The following RAB8B variants were observed in gnomAD, a reference collection of about 807,000 sequenced individuals.
RAB8B encodes ras-related protein Rab-8B.
In RAB8B, 11 loss-of-function variants were observed where a neutral mutation model predicts 32.0. The observed-to-expected ratio is 0.34, with a 90% confidence interval of 0.22 to 0.57. RAB8B has a LOEUF of 0.57. RAB8B is among the 20% of genes least tolerant of loss of function. RAB8B has a pLI of 0.86. For missense variants in RAB8B, 190 were observed against 258.5 expected (o/e 0.73, Z 1.82); for synonymous variants, 103 against 89.6 (o/e 1.15, Z -0.85).
At chr15:63,257,598 T>C (rs557887385) in intron 5 of RAB8B, among the ~76,000 whole-genome samples, 2 of 152,256 alleles carry the variant, frequency 1.3e-5, no homozygotes, top group East Asian at 1.9e-4. Context: ...CTGTGAACTT[T>C]TGCTGCAAAC....
At chr15:63,220,383 C>T (rs565668191) in intron 1 of RAB8B, among the ~76,000 whole-genome samples, 5 of 151,634 alleles carry the variant, frequency 3.3e-5, no homozygotes, top group African/African-American at 7.3e-5. Context: ...TTCTTTAGGC[C>T]GGTGTTTTTA....
At chr15:63,190,389 G>A (rs1445908065) in intron 1 of RAB8B, among the ~76,000 whole-genome samples, 1 of 152,030 alleles carries the variant, frequency 6.6e-6, no homozygotes, top group Admixed American at 6.5e-5. Flanking sequence ...GGGATCAGAG[G>A]GCAGAATGAG....
chr15:63,252,589 A>AG (rs57848754), intron 3 of RAB8B, among the ~76,000 whole-genome samples: 58,197 of 152,092 alleles, frequency 0.38, 12,535 homozygotes, highest in Non-Finnish European at 0.5. Flanking sequence ...TGGTAGAGCT[A>AG]GGGCAGTTAT....
At chr15:63,195,149 A>T (rs1340801296) in intron 1 of RAB8B, among the ~76,000 whole-genome samples, 2 of 152,236 alleles carry the variant, frequency 1.3e-5, no homozygotes, top group Non-Finnish European at 2.9e-5. Flanking sequence ...GCAAGTTCAT[A>T]TTGAACATTT....
rs899698415 is a variant in RAB8B, at chr15:63,266,955, G to T, written c.*3336G>T. 1 of 152,086 alleles carries T rather than the reference G, an allele frequency of 6.6e-6. No individual in the cohort carries two copies. The highest frequency in any genetic ancestry group is 1.5e-5 in the Non-Finnish European group (1 of 67,902). The allele number at this position is 152,086 out of a possible 1,614,324, so 9.4% of individuals were successfully genotyped here. On this transcript the variant is annotated 3_prime_UTR_variant, in exon 8 of 8. Transcript: ENST00000321437. ...TTTAAAAACCACATTTCATTATGTTGGTTAATTATTATAAATTTTAAGCAC... is the reference window on the plus strand; with the variant it reads ...TTTAAAAACCACATTTCATTATGTTTGTTAATTATTATAAATTTTAAGCAC...
Position 63,229,780 on chromosome 15 carries a change from CAAAAAAAAAAAA to C in RAB8B, c.125-14957_125-14946del, listed in dbSNP as rs56015501. 6.7e-4 allele frequency among the ~76,000 whole-genome samples: 24 copies of C among 35,986 alleles called. 1 individual carries two copies. Among genetic ancestry groups the C allele is most frequent in the East Asian group, 1.9e-3 (4 of 2,140 alleles). 23.6% of individuals were successfully genotyped at this position (35,986 alleles called of 152,430 possible). On this transcript the variant is annotated intron_variant, in intron 1 of 7. Coordinates refer to ENST00000321437, the MANE Select transcript of RAB8B (RefSeq NM_016530.3). ...TAGGTGACAGAGCAAGACGCTGTTT[CAAAAAAAAAAAA>C]AAAAAAAAAAAAAAAAAAGAAGCCA...
Position 63,259,660 on chromosome 15 carries a change from A to G in RAB8B, c.448A>G (p.Thr150Ala). Residue 150 changes from threonine to alanine, a missense_variant, in exon 6 of 8, where the codon ACA (threonine) becomes GCA (alanine). Physicochemically the swap from Thr to Ala is moderately conservative, Grantham distance 58. Around this residue, in one of 2 missense-constraint regions of RAB8B, gnomAD observed 110 missense variants for 115.9 expected, o/e 0.95. Transcript: ENST00000321437. The surrounding 1 kb of genome is among the most constrained non-coding windows in gnomAD (Gnocchi z 4.4). ...AIDYGIKFLETSAKSSANVEE... is the reference protein window; with the variant it reads ...AIDYGIKFLEASAKSSANVEE... ...TGACTATGGGATTAAATTCTTGGAG[A>G]CAAGCGCAAAATCCAGTGCAAATGT... The G allele has an allele frequency of 6.2e-7, 1 of 1,614,002 alleles. No individual in the cohort carries two copies. Among genetic ancestry groups the G allele is most frequent in the Non-Finnish European group, 8.5e-7 (1 of 1,179,896 alleles).
chr15:63,237,688 C>T (rs1364958764), intron 1 of RAB8B, among the ~76,000 whole-genome samples: 1 of 152,044 alleles, frequency 6.6e-6, no homozygotes, highest in Non-Finnish European at 1.5e-5. Flanking sequence ...TGTGTTGTCT[C>T]TTCACTTTGC....
chr15:63,208,985 T>G (rs975776301), intron 1 of RAB8B, among the ~76,000 whole-genome samples: 1 of 150,328 alleles, frequency 6.7e-6, no homozygotes, highest in Non-Finnish European at 1.5e-5. Context: ...CTCCACCTCC[T>G]GGGTTCAAGC....
intron 6 of RAB8B, among the ~76,000 whole-genome samples, chr15:63,261,691 A>G (rs1048147184): frequency 6.6e-5 from 10 of 152,204 alleles, no homozygotes; most frequent in Non-Finnish European, 2.9e-5. Context: ...GACACTGACA[A>G]TGAGTAATAA....
At chr15:63,214,198 G>T (rs1388090077) in intron 1 of RAB8B, among the ~76,000 whole-genome samples, 1 of 151,894 alleles carries the variant, frequency 6.6e-6, no homozygotes, top group Non-Finnish European at 1.5e-5. Context: ...GGGAGGTAAA[G>T]GATCTAATGT....
intron 3 of RAB8B, among the ~76,000 whole-genome samples, chr15:63,254,952 T>A (rs1474224774): frequency 6.6e-6 from 1 of 152,150 alleles, no homozygotes; most frequent in Non-Finnish European, 1.5e-5. Context: ...AAAAATATGA[T>A]GAGAATGCCT....
At chr15:63,232,459 G>A (rs1211946997) in intron 1 of RAB8B, among the ~76,000 whole-genome samples, 1 of 152,000 alleles carries the variant, frequency 6.6e-6, no homozygotes, top group Non-Finnish European at 1.5e-5. Flanking sequence ...ATATTTTGTT[G>A]GTATGATTAG....
Position 63,208,440 on chromosome 15 carries a change from C to T in RAB8B, c.124+18692C>T, listed in dbSNP as rs144784373. On this transcript the variant is annotated intron_variant, in intron 1 of 7. Coordinates refer to ENST00000321437, the MANE Select transcript of RAB8B (RefSeq NM_016530.3). The stretch of plus-strand genomic sequence containing the variant: ...TCACTGTCATTTGTGAAAGAAAAAA[C>T]GATTGTAATAGAATTCTTGCTATTT... Among the ~76,000 whole-genome samples, 358 of 152,192 alleles carry T rather than the reference C, an allele frequency of 2.4e-3. 3 individuals carry two copies. Among genetic ancestry groups the T allele is most frequent in the African/African-American group, 8.4e-3 (347 of 41,526 alleles).
chr15:63,233,055 C>CTTTTTTTTTTTTTT (rs752891283), intron 1 of RAB8B, among the ~76,000 whole-genome samples: 2 of 141,516 alleles, frequency 1.4e-5, no homozygotes, highest in Non-Finnish European at 3.0e-5. Flanking sequence ...AAGTAGCATT[C>CTTTTTTTTTTTTTT]TTTTTTTTTT....
chr15:63,221,611 A>G (rs561053656), intron 1 of RAB8B, among the ~76,000 whole-genome samples: 2 of 152,246 alleles, frequency 1.3e-5, no homozygotes, highest in Admixed American at 6.5e-5. Flanking sequence ...TTGTGAAGCT[A>G]TAAGACAGTC....
At chr15:63,217,440 G>A (rs2037802807) in intron 1 of RAB8B, among the ~76,000 whole-genome samples, 2 of 152,114 alleles carry the variant, frequency 1.3e-5, no homozygotes, top group Admixed American at 1.3e-4. Flanking sequence ...CATGTTTTTG[G>A]GTCAGTGAGA....
At chr15:63,252,433 T>C (rs894835679) in intron 3 of RAB8B, among the ~76,000 whole-genome samples, 1 of 152,186 alleles carries the variant, frequency 6.6e-6, no homozygotes, top group Non-Finnish European at 1.5e-5. Context: ...ATTTAATATG[T>C]GGTGGAGCCT....
chr15:63,223,650 C>G (rs1163817289), intron 1 of RAB8B, among the ~76,000 whole-genome samples: 4 of 152,154 alleles, frequency 2.6e-5, no homozygotes, highest in Non-Finnish European at 5.9e-5. Context: ...TCCAGAACGT[C>G]TGGTTGTTAA....
Sources: gnomAD v4.1 joint callset for allele counts (sites outside exome capture counted in the v4.1 genomes callset) on GRCh38, gnomAD v4.1.1 for gene constraint, gnomAD v4.1.1 regional missense constraint, Gnocchi (gnomAD v3.1) non-coding constraint, MANE v1.5 for transcripts, NCBI Gene and HGNC (gene_info 2026-07-23, HGNC 2026-07-21) for gene names.